ZBTB7C: variants seen among roughly 807,000 people sequenced by gnomAD.
ZBTB7C encodes the protein zinc finger and BTB domain containing 7C.
In ZBTB7C, 8 loss-of-function variants were observed where a neutral mutation model predicts 25.7. The ratio of observed to expected loss-of-function variants is 0.31; its 90% CI spans 0.18 to 0.56. ZBTB7C has a LOEUF of 0.56. Among genes scored for constraint, ZBTB7C ranks in the 20% least tolerant of loss-of-function variants. The pLI, the probability that ZBTB7C is intolerant of heterozygous loss-of-function variation, is 0.91. For synonymous variants in ZBTB7C, 394 were observed against 369.0 expected, an observed-to-expected ratio of 1.07 and a Z score of -0.78; for missense variants, 824 against 855.2, an observed-to-expected ratio of 0.96 and a Z score of 0.46.
chr18:48,134,444 T>C (rs1165028780), intron 3 of ZBTB7C, among the ~76,000 whole-genome samples: 5 of 151,974 alleles, frequency 3.3e-5, no homozygotes, highest in Non-Finnish European at 7.4e-5. Flanking sequence ...GCATTGTAAG[T>C]GGAGATGTAA....
At chr18:48,216,999 G>T (rs371543189) in intron 2 of ZBTB7C, among the ~76,000 whole-genome samples, 2 of 152,162 alleles carry the variant, frequency 1.3e-5, no homozygotes, top group African/African-American at 4.8e-5. Context: ...CAGGAAGGCC[G>T]TGTGATGGGA....
At chr18:48,348,615 G>A (rs1814063) in intron 1 of ZBTB7C, among the ~76,000 whole-genome samples, 2 of 152,204 alleles carry the variant, frequency 1.3e-5, no homozygotes, top group African/African-American at 2.4e-5. Flanking sequence ...TCAGGACTTC[G>A]AGACCAGCCT....
chr18:48,097,459 C>T (rs567791723), intron 3 of ZBTB7C, among the ~76,000 whole-genome samples: 14 of 151,906 alleles, frequency 9.2e-5, no homozygotes, highest in African/African-American at 2.4e-4. Flanking sequence ...TGCGGTGGCG[C>T]GATCTCGGTT....
At chr18:48,068,480 C>T (rs2037418021) in intron 3 of ZBTB7C, among the ~76,000 whole-genome samples, 1 of 149,006 alleles carries the variant, frequency 6.7e-6, no homozygotes, top group Non-Finnish European at 1.5e-5. Flanking sequence ...CATCAGACAC[C>T]TCAGAAGCTG....
At chr18:48,166,300 C>T (rs1266796774) in intron 3 of ZBTB7C, among the ~76,000 whole-genome samples, 1 of 152,140 alleles carries the variant, frequency 6.6e-6, no homozygotes, top group African/African-American at 2.4e-5. Flanking sequence ...TTTGCTTCTT[C>T]TATTTATTTA....
intron 2 of ZBTB7C, among the ~76,000 whole-genome samples, chr18:48,189,036 T>TATATCTGCCTAGGGACCAATGACC: frequency 6.6e-6 from 1 of 152,350 alleles, no homozygotes; most frequent in Non-Finnish European, 1.5e-5. Flanking sequence ...GAGCAATGAT[T>TATATCTGCCTAGGGACCAATGACC]ATTGCTAACA....
At chr18:48,297,622 T>A (rs935124389) in intron 2 of ZBTB7C, among the ~76,000 whole-genome samples, 18 of 152,208 alleles carry the variant, frequency 1.2e-4, no homozygotes, top group African/African-American at 4.1e-4. Context: ...GAGCAGGGCT[T>A]GGCAGCGCTG....
intron 2 of ZBTB7C, chr18:48,203,303 G>A (rs1387509744): frequency 6.6e-6 from 1 of 152,358 alleles, no homozygotes; most frequent in Non-Finnish European, 1.5e-5. Context: ...ACAGCTCCAG[G>A]TGGTTGCAGG....
intron 2 of ZBTB7C, among the ~76,000 whole-genome samples, chr18:48,206,007 G>C (rs1404148838): frequency 1.3e-5 from 2 of 152,188 alleles, no homozygotes; most frequent in Admixed American, 1.3e-4. Flanking sequence ...GGGCCCAAAG[G>C]AGACTCTAGA....
At chr18:48,322,109 G>A (rs2144859056) in intron 2 of ZBTB7C, among the ~76,000 whole-genome samples, 1 of 152,292 alleles carries the variant, frequency 6.6e-6, no homozygotes, top group East Asian at 1.9e-4. Context: ...CCTAGAGAGA[G>A]GCTTCCTAGC....
intron 2 of ZBTB7C, among the ~76,000 whole-genome samples, chr18:48,205,142 C>A (rs1035565305): frequency 2.0e-5 from 3 of 152,024 alleles, no homozygotes; most frequent in Non-Finnish European, 4.4e-5. Context: ...TTACTGAGGT[C>A]TAGCACTCTG....
At chr18:48,361,915 G>T (rs991496409) in intron 1 of ZBTB7C, among the ~76,000 whole-genome samples, 1 of 152,216 alleles carries the variant, frequency 6.6e-6, no homozygotes, top group Non-Finnish European at 1.5e-5. Context: ...AGCCAGCACG[G>T]CAGGAGGAGA....
intron 2 of ZBTB7C, among the ~76,000 whole-genome samples, chr18:48,236,095 G>A (rs984962081): frequency 7.2e-5 from 11 of 151,914 alleles, no homozygotes; most frequent in African/African-American, 2.2e-4. Context: ...GTGTCTCTTC[G>A]CATCTCTGGT....
intron 2 of ZBTB7C, among the ~76,000 whole-genome samples, chr18:48,244,143 A>T (rs2043610082): frequency 6.6e-6 from 1 of 152,194 alleles, no homozygotes; most frequent in Non-Finnish European, 1.5e-5. Flanking sequence ...AGAACCCAAA[A>T]ACAAATGCAA....
intron 1 of ZBTB7C, among the ~76,000 whole-genome samples, chr18:48,359,843 C>T (rs2047061552): frequency 1.3e-5 from 2 of 152,146 alleles, no homozygotes; most frequent in South Asian, 4.1e-4. Context: ...GGCTAGAGAC[C>T]CCTGCCCTTC....
chr18:48,106,143 C>A (rs2039018334), intron 3 of ZBTB7C, among the ~76,000 whole-genome samples: 1 of 152,172 alleles, frequency 6.6e-6, no homozygotes, highest in South Asian at 2.1e-4. Flanking sequence ...GCCTTGGTGG[C>A]TGTCCCCGCA....
intron 3 of ZBTB7C, among the ~76,000 whole-genome samples, chr18:48,043,663 G>C (rs1006125546): frequency 6.6e-6 from 1 of 152,144 alleles, no homozygotes; most frequent in Non-Finnish European, 1.5e-5. Flanking sequence ...TCTGCATATT[G>C]ATTATACCAG....
intron 2 of ZBTB7C, among the ~76,000 whole-genome samples, chr18:48,194,907 C>A (rs1277470176): frequency 6.6e-6 from 1 of 152,026 alleles, no homozygotes; most frequent in East Asian, 1.9e-4. Context: ...GAGGGACTGG[C>A]TCAGGCTGAA....
chr18:48,280,132 G>A (rs1449132346), intron 2 of ZBTB7C, among the ~76,000 whole-genome samples: 2 of 152,246 alleles, frequency 1.3e-5, no homozygotes, highest in African/African-American at 4.8e-5. Context: ...CTGTAGGCAG[G>A]AGCACAGCCA....
Sources: allele counts gnomAD v4.1 joint callset (sites outside exome capture counted in the v4.1 genomes callset), GRCh38; gene constraint gnomAD v4.1.1; transcripts MANE v1.5; gene names NCBI Gene and HGNC (gene_info 2026-07-23, HGNC 2026-07-21).